The following NOX4 variants were observed in gnomAD, a reference collection of about 807,000 sequenced individuals.
The protein encoded by NOX4 is kidney oxidase-1.
Under a neutral mutation model 87.6 loss-of-function variants are expected in NOX4, and 69 were observed. That is an observed-to-expected ratio of 0.79 (90% CI 0.65 to 0.96). NOX4 has a LOEUF of 0.96. Among genes scored for constraint, NOX4 ranks in the 40% least tolerant of loss-of-function variants. The pLI is 0.00. For synonymous variants in NOX4, 275 were observed against 238.2 expected, an observed-to-expected ratio of 1.15 and a Z score of -1.42; for missense variants, 680 against 681.5, an observed-to-expected ratio of 1.00 and a Z score of 0.02.
chr11:89,384,385 G>A (rs1940529786), intron 11 of NOX4, among the ~76,000 whole-genome samples: 3 of 152,022 alleles, frequency 2.0e-5, no homozygotes, highest in Admixed American at 6.6e-5. Context: ...CATTACTTCC[G>A]TCAAGCCTAA....
At chr11:89,394,643 C>T (rs1941351670) in intron 11 of NOX4, among the ~76,000 whole-genome samples, 1 of 152,072 alleles carries the variant, frequency 6.6e-6, no homozygotes, top group Non-Finnish European at 1.5e-5. Context: ...CTAACGCTAT[C>T]CCTCCCCTAG....
At chr11:89,490,346 T>C in intron 2 of NOX4, 112 bp downstream of exon 2, 1 of 730,788 alleles carries the variant, frequency 1.4e-6, no homozygotes, top group Non-Finnish European at 2.4e-6. Flanking sequence ...CAACAAAGGT[T>C]TTCAAAGTGA....
rs766357906 is a variant in NOX4 at position 89,425,409 on chromosome 11, C to CAA, written c.549-3429_549-3428dup. The stretch of plus-strand genomic sequence containing the variant: ...GGTGTTTGTTTCAAAATTGAAATAC[C>CAA]AAAAAAAAAAAAAAACAAAACAAAA... On this transcript the variant is annotated intron_variant, in intron 7 of 17. Coordinates refer to ENST00000263317, the MANE Select transcript of NOX4 (RefSeq NM_016931.5). Among the ~76,000 whole-genome samples the CAA allele has an allele frequency of 4.5e-3, 318 of 70,672 alleles. 3 individuals are homozygous for CAA. Among genetic ancestry groups the CAA allele is most frequent in the African/African-American group, 0.014 (298 of 20,700 alleles). The allele number at this position is 70,672 out of a possible 152,430, so 46.4% of individuals were successfully genotyped here. A position where few individuals can be genotyped will look rare whatever the true frequency, so the allele number is the denominator to read the frequency against.
rs192932489 is a variant in NOX4 at position 89,383,172 on chromosome 11, A to G, written c.1075-9680T>C. Among the ~76,000 whole-genome samples the G allele has an allele frequency of 1.4e-3, 207 of 152,320 alleles. 1 individual carries two copies. Among genetic ancestry groups the G allele is most frequent in the Middle Eastern group, 6.8e-3 (2 of 294 alleles). ...GTGCTGTAAGAGAAACCCCAGCCACATTTGCAGCACACAAGAACTTCAAAA... is the reference window on the plus strand; with the variant it reads ...GTGCTGTAAGAGAAACCCCAGCCACGTTTGCAGCACACAAGAACTTCAAAA... On this transcript the variant is annotated intron_variant, in intron 11 of 17. Transcript: ENST00000263317.
At chr11:89,542,292 A>G in the NOX4 span, among the ~76,000 whole-genome samples, 3 of 152,238 alleles carry the variant, frequency 2.0e-5, no homozygotes, top group Non-Finnish European at 2.9e-5. Context: ...CGAAAATATT[A>G]TATCTATTAT....
chr11:89,351,918 G>T (rs1041773909), intron 13 of NOX4, among the ~76,000 whole-genome samples: 1 of 152,118 alleles, frequency 6.6e-6, no homozygotes, highest in African/African-American at 2.4e-5. Context: ...ATCAAATACT[G>T]TTCAGGAACA....
chr11:89,527,618 T>C, the NOX4 span, among the ~76,000 whole-genome samples: 1 of 152,228 alleles, frequency 6.6e-6, no homozygotes, highest in Non-Finnish European at 1.5e-5. Flanking sequence ...CTCAGGCTGT[T>C]GCTTCAGAGA....
At chr11:89,575,681 C>G in the NOX4 span, among the ~76,000 whole-genome samples, 1 of 151,972 alleles carries the variant, frequency 6.6e-6, no homozygotes, top group Non-Finnish European at 1.5e-5. Flanking sequence ...CCTTTCTTTC[C>G]CTTTTACTTT....
intron 12 of NOX4, among the ~76,000 whole-genome samples, chr11:89,372,516 A>T (rs1218862349): frequency 6.6e-6 from 1 of 151,952 alleles, no homozygotes; most frequent in Non-Finnish European, 1.5e-5. Flanking sequence ...AGAGTTAATC[A>T]TTGCCTTTCC....
intron 8 of NOX4, among the ~76,000 whole-genome samples, chr11:89,404,237 C>G (rs1029545848): frequency 4.6e-5 from 7 of 152,160 alleles, no homozygotes; most frequent in African/African-American, 1.7e-4. Context: ...ATAATTTACC[C>G]AAACCTTTTG....
intron 7 of NOX4, among the ~76,000 whole-genome samples, chr11:89,424,056 G>C (rs1943234516): frequency 6.6e-6 from 1 of 151,830 alleles, no homozygotes; most frequent in Admixed American, 6.6e-5. Context: ...CTGGATGAGA[G>C]AGAAAGACCC....
intron 15 of NOX4, among the ~76,000 whole-genome samples, chr11:89,338,044 CA>C (rs1183896743): frequency 6.6e-6 from 1 of 151,618 alleles, no homozygotes; most frequent in Non-Finnish European, 1.5e-5. Flanking sequence ...AATATACCTG[CA>C]AAAATAAATA....
chr11:89,451,866 T>C lies in NOX4; in HGVS notation c.183A>G (p.Ala61=). 2 of 1,613,206 alleles carry C rather than the reference T, an allele frequency of 1.2e-6. No individual in the cohort carries two copies. The highest frequency in any genetic ancestry group is 1.7e-6 in the Non-Finnish European group (2 of 1,179,322). ...GLGLCLSRAS[A]SVLNLNCSLI... ...GGCTGCAGTTGAGGTTAAGAACAGA[T>C]GCTGAGGCTCTGCTTAGACACAATC... Residue 61 remains alanine (A), a synonymous_variant, in exon 3 of 18, where the codon GCA becomes GCG. Transcript: ENST00000263317.
chr11:89,531,079 T>C, the NOX4 span, among the ~76,000 whole-genome samples: 3 of 152,238 alleles, frequency 2.0e-5, no homozygotes, highest in Non-Finnish European at 2.9e-5. Flanking sequence ...TAGCTCCAGC[T>C]GGCTTTCTTT....
chr11:89,427,669 G>C (rs80220810), intron 7 of NOX4, among the ~76,000 whole-genome samples: 3,030 of 152,044 alleles, frequency 0.02, 61 homozygotes, highest in East Asian at 0.098. Context: ...AGTTTAGAGA[G>C]AAAAGAGTAA....
chr11:89,484,505 G>T (rs904999197), intron 2 of NOX4, among the ~76,000 whole-genome samples: 1 of 152,084 alleles, frequency 6.6e-6, no homozygotes, highest in African/African-American at 2.4e-5. Flanking sequence ...GGTTTAAAAT[G>T]TTCTTGCGTG....
intron 8 of NOX4, among the ~76,000 whole-genome samples, chr11:89,415,787 C>A (rs144473078): frequency 0.035 from 5,251 of 152,138 alleles, 319 homozygotes; most frequent in African/African-American, 0.12. Context: ...AGAAACTAGG[C>A]ATCTAGGAAG....
At chr11:89,349,998 C>G (rs1946388860) in intron 13 of NOX4, among the ~76,000 whole-genome samples, 7 of 152,170 alleles carry the variant, frequency 4.6e-5, no homozygotes, top group Admixed American at 3.9e-4. Flanking sequence ...CCATTTGTTT[C>G]CTCCAACCTA....
At chr11:89,416,552 TAGAG>T (rs1371726009) in intron 8 of NOX4, among the ~76,000 whole-genome samples, 1 of 152,140 alleles carries the variant, frequency 6.6e-6, no homozygotes, top group African/African-American at 2.4e-5. Flanking sequence ...GAGGCCATAA[TAGAG>T]GGAGGTTATT....
Sources: gnomAD v4.1 joint callset for allele counts (sites outside exome capture counted in the v4.1 genomes callset) on GRCh38, gnomAD v4.1.1 for gene constraint, MANE v1.5 for transcripts, NCBI Gene and HGNC (gene_info 2026-07-23, HGNC 2026-07-21) for gene names.